DNAH1: variants seen among roughly 807,000 people sequenced by gnomAD.
DNAH1 encodes axonemal beta dynein heavy chain 1.
In DNAH1, 327 loss-of-function variants were observed where a neutral mutation model predicts 484.3. The observed-to-expected ratio is 0.68, with a 90% CI of 0.62 to 0.74. DNAH1 has a LOEUF of 0.74. Ranked by LOEUF, DNAH1 falls within the 30% of genes least tolerant of loss-of-function variation. The pLI is 0.00. For synonymous variants in DNAH1, 2,192 were observed against 2,191.9 expected (o/e 1.00, Z 0.00); for missense variants, 5,052 against 5,546.8 (o/e 0.91, Z 2.83).
Position 52,322,573 on chromosome 3 carries a change from G to T in DNAH1, c.131G>T (p.Gly44Val). 6.2e-7 allele frequency: 1 copy of T among 1,613,834 alleles called. No individual in the cohort carries two copies. The highest frequency in any genetic ancestry group is 8.5e-7 in the Non-Finnish European group (1 of 1,179,830). Reference protein sequence around the residue: ...LEYNPGKILPGSDYGLGNPPA... With the variant: ...LEYNPGKILPVSDYGLGNPPA... The stretch of plus-strand genomic sequence containing the variant: ...TATAACCCGGGGAAGATTCTTCCAG[G>T]ATCAGACTATGGGTTGGGAAATCCT... Residue 44 changes from glycine to valine, a missense_variant, in exon 2 of 78, where the codon GGA (glycine) becomes GTA (valine). Around this residue, in one of 4 missense-constraint regions of DNAH1, gnomAD observed 1,263 missense variants for 1,218.8 expected, o/e 1.04. Coordinates refer to ENST00000420323, the MANE Select transcript of DNAH1 (RefSeq NM_015512.5).
At chr3:52,337,542 T>C (rs1043911122) in intron 8 of DNAH1, among the ~76,000 whole-genome samples, 2 of 152,228 alleles carry the variant, frequency 1.3e-5, no homozygotes, top group African/African-American at 4.8e-5. Flanking sequence ...CATTCACATT[T>C]ATTGGTATGG....
Position 52,368,773 on chromosome 3 carries a change from C to CG in DNAH1, c.5803dup (p.Ala1935GlyfsTer23). 6.2e-7 allele frequency: 1 copy of CG among 1,613,884 alleles called. No homozygotes were observed. Among genetic ancestry groups the CG allele is most frequent in the Non-Finnish European group, 8.5e-7 (1 of 1,179,880 alleles). ...GGGATATTCTCCTCGTTCATCCGGG[C>CG]GGGGGCCATCACCTCCGACACCAAC... On this transcript the variant is annotated frameshift_variant, in exon 37 of 78. Coordinates refer to ENST00000420323, the MANE Select transcript of DNAH1 (RefSeq NM_015512.5). LOFTEE classifies it high-confidence loss of function. The surrounding 1 kb of genome is among the most constrained non-coding windows in gnomAD (Gnocchi z 4.4).
chr3:52,368,273 C>G lies in DNAH1; in HGVS notation c.5766-468C>G, dbSNP rs965347494. Among the ~76,000 whole-genome samples, 3 of 152,268 alleles carry G rather than the reference C, an allele frequency of 2.0e-5. No individual in the cohort carries two copies. The South Asian group carries it at 6.2e-4, about 32-fold the overall frequency. ...TATATGGGCACCTAGGAGAAGGTTCCGGAGCCTAAGGCTGGACCAAGCACA... is the reference window on the plus strand; with the variant it reads ...TATATGGGCACCTAGGAGAAGGTTCGGGAGCCTAAGGCTGGACCAAGCACA... On this transcript the variant is annotated intron_variant, in intron 36 of 77. Coordinates refer to ENST00000420323, the MANE Select transcript of DNAH1 (RefSeq NM_015512.5). This position sits in a 1 kb window ranked among gnomAD's most constrained non-coding sequence, Gnocchi z 4.4.
Position 52,383,980 on chromosome 3 carries a change from C to T in DNAH1, c.8271C>T (p.Phe2757=), listed in dbSNP as rs748420358. 6.2e-7 allele frequency: 1 copy of T among 1,611,082 alleles called. No homozygotes were observed. Among genetic ancestry groups the T allele is most frequent in the Non-Finnish European group, 8.5e-7 (1 of 1,178,588 alleles). The part of the protein sequence containing the change: ...AEALKSVATV[F]LNEIPELESS... ...CCCTGAAGTCTGTGGCCACCGTGTT[C>T]CTCAATGAGATCCCAGAACTGGAAT... Residue 2757 remains phenylalanine (F), a synonymous_variant, in exon 52 of 78, where the codon TTC becomes TTT. Transcript: ENST00000420323.
intron 44 of DNAH1, 133 bp downstream of exon 44, chr3:52,373,186 G>GGGA: frequency 7.9e-7 from 1 of 1,265,720 alleles, no homozygotes; most frequent in Non-Finnish European, 1.0e-6. Context: ...AAAATTAAAG[G>GGGA]GGAGGAGGGG....
Position 52,363,130 on chromosome 3 carries a change from C to A in DNAH1, c.5230C>A (p.Gln1744Lys). 1 of 1,613,944 alleles carries A rather than the reference C, an allele frequency of 6.2e-7. No homozygotes were observed. ...ITTTFKLSSE[Q>K]LSSQDHYDFG... ...AACCACCTTCAAGCTGTCTTCTGAG[C>A]AGCTCAGCTCCCAGGTGTGGTCCTG... Residue 1744 changes from glutamine (Q) to lysine (K), a missense_variant, in exon 32 of 78, where the codon CAG (glutamine) becomes AAG (lysine). Gln to Lys is a moderately conservative substitution (Grantham distance 53). Transcript: ENST00000420323.
upstream of DNAH1, among the ~76,000 whole-genome samples, chr3:52,312,503 C>G (rs540300486): frequency 2.2e-4 from 33 of 146,762 alleles, no homozygotes; most frequent in South Asian, 4.1e-3. Flanking sequence ...TGGAGTCTCT[C>G]TCTGTCACCC....
At position 52,399,675 on chromosome 3, in the gene DNAH1, T is replaced by C. The variant is rs370146778; in HGVS notation, c.12572T>C (p.Leu4191Pro). 7 of 1,613,882 alleles carry C rather than the reference T, an allele frequency of 4.3e-6. No individual in the cohort carries two copies. The African/African-American group carries it at 6.7e-5, about 15-fold the overall frequency. The change falls in exon 77 of 78, where the codon CTG (leucine) becomes CCG (proline). Residue 4191 changes from leucine (L) to proline (P), a missense_variant. By Grantham distance (98) the Leu-to-Pro change is moderately conservative (BLOSUM62 -3). Coordinates refer to ENST00000420323, the MANE Select transcript of DNAH1 (RefSeq NM_015512.5). ...FQLAESQPKE[L>P]YTEMAVIWLL... ...CTGGCTGAGTCTCAGCCCAAGGAGC[T>C]GTACACAGAGATGGCCGTTATCTGG...
rs188356957 is a variant in DNAH1 at position 52,372,309 on chromosome 3, T to A, written c.6749T>A (p.Ile2250Asn). 2 of 1,613,962 alleles carry A rather than the reference T, an allele frequency of 1.2e-6. No individual in the cohort carries two copies. The highest frequency in any genetic ancestry group is 3.3e-5 in the Admixed American group (2 of 60,030). The change falls in exon 43 of 78, where the codon ATC becomes AAC. Residue 2250 changes from isoleucine to asparagine, a missense_variant. Physicochemically the swap from Ile to Asn is moderately radical, Grantham distance 149 (BLOSUM62 -3). Transcript: ENST00000420323. ...KLLKNLALDY[I>N]SHFLTFSART... ...CTCAAGAACCTGGCACTGGATTACA[T>A]CAGCCACTTCCTCACCTTCTCAGCC...
chr3:52,311,836 C>G (rs916915743), upstream of DNAH1, among the ~76,000 whole-genome samples: 1 of 152,204 alleles, frequency 6.6e-6, no homozygotes, highest in Non-Finnish European at 1.5e-5. Flanking sequence ...GCCAGGGCAG[C>G]CTGACGGCCC....
chr3:52,333,206 G>T (rs1162302197), intron 8 of DNAH1, among the ~76,000 whole-genome samples: 3 of 152,056 alleles, frequency 2.0e-5, no homozygotes, highest in East Asian at 3.9e-4. Context: ...TTTAGTTGAG[G>T]AATTATATTT....
chr3:52,315,632 A>G (rs1240708770), upstream of DNAH1, among the ~76,000 whole-genome samples: 1 of 152,178 alleles, frequency 6.6e-6, no homozygotes, highest in Non-Finnish European at 1.5e-5. Context: ...TCCCATTTCA[A>G]CAAGGGTAAG....
intron 25 of DNAH1, 139 bp from the exon 26 acceptor site, chr3:52,359,107 C>A (rs1218820488): frequency 2.3e-6 from 3 of 1,280,342 alleles, no homozygotes; most frequent in African/African-American, 3.0e-5. Flanking sequence ...AAGGGCTTCC[C>A]TGCTCTGAAG....
upstream of DNAH1, among the ~76,000 whole-genome samples, chr3:52,313,884 C>T (rs772070156): frequency 6.6e-6 from 1 of 152,124 alleles, no homozygotes; most frequent in Non-Finnish European, 1.5e-5. Context: ...CCTCATTGTG[C>T]AGAAGAAAAA....
Position 52,375,394 on chromosome 3 carries a change from C to T in DNAH1, c.7140C>T (p.Thr2380=). ...DEVSKKRIFS[T]ILGNWLDGLL... ...TCAGCAAGAAACGCATCTTCTCCAC[C>T]ATCCTGGGCAACTGGTTGGGTGAGT... The change falls in exon 45 of 78, where the codon ACC becomes ACT. Residue 2380 remains threonine (T), a synonymous_variant. Coordinates refer to ENST00000420323, the MANE Select transcript of DNAH1 (RefSeq NM_015512.5). 1 of 1,613,456 alleles carries T rather than the reference C, an allele frequency of 6.2e-7. No individual in the cohort carries two copies. Among genetic ancestry groups the T allele is most frequent in the Non-Finnish European group, 8.5e-7 (1 of 1,179,744 alleles).
At chr3:52,345,461 G>T in intron 9 of DNAH1, 34 bp from the exon 10 acceptor site, 1 of 1,545,180 alleles carries the variant, frequency 6.5e-7, no homozygotes, top group Non-Finnish European at 8.8e-7. Context: ...GCCAGGCAGG[G>T]TCTGATACTG....
Position 52,392,559 on chromosome 3 carries a change from T to G in DNAH1, c.10148T>G (p.Met3383Arg). 6.2e-7 allele frequency: 1 copy of G among 1,613,940 alleles called. No homozygotes were observed. The highest frequency in any genetic ancestry group is 8.5e-7 in the Non-Finnish European group (1 of 1,179,878). ...KNQLIISNAKMRQELKDIEDQ... is the reference protein window; with the variant it reads ...KNQLIISNAKRRQELKDIEDQ... Reference sequence around the variant, plus strand: ...CAGCTGATTATCAGTAATGCCAAGATGCGCCAGGAGCTGAAGGACATTGAG... The same window carrying G: ...CAGCTGATTATCAGTAATGCCAAGAGGCGCCAGGAGCTGAAGGACATTGAG... Residue 3383 changes from methionine (M) to arginine (R), a missense_variant, in exon 64 of 78, where the codon ATG (methionine) becomes AGG (arginine). Transcript: ENST00000420323.
chr3:52,353,172 T>C lies in DNAH1; in HGVS notation c.3097T>C (p.Trp1033Arg), dbSNP rs779225744. The part of the protein sequence containing the change: ...YLDLWTTASD[W>R]LRWSESWMND... ...GGACCTTTGGACCACAGCGTCTGAC[T>C]GGCTGCGCTGGTCGGAGAGCTGGAT... Residue 1033 changes from tryptophan (W) to arginine (R), a missense_variant, in exon 19 of 78, where the codon TGG (tryptophan) becomes CGG (arginine). Physicochemically the swap from Trp to Arg is moderately radical, Grantham distance 101 (BLOSUM62 -3). Coordinates refer to ENST00000420323, the MANE Select transcript of DNAH1 (RefSeq NM_015512.5). The surrounding 1 kb of genome is among the most constrained non-coding windows in gnomAD (Gnocchi z 5.0). The C allele has an allele frequency of 6.2e-6, 10 of 1,614,006 alleles. No individual in the cohort carries two copies. The highest frequency in any genetic ancestry group is 5.1e-6 in the Non-Finnish European group (6 of 1,179,878).
In DNAH1 at chr3:52,382,341, G is replaced by C. The variant is rs1476916795; in HGVS notation, c.7827G>C (p.Gln2609His). The stretch of plus-strand genomic sequence containing the variant: ...CCAGGGCCGAGTACGAGTGCTTCCA[G>C]ATTGAACTATCCAAGAACTACGGCA... ...ASHMAEYECF[Q>H]IELSKNYGMS... The change falls in exon 50 of 78, where the codon CAG becomes CAC. Residue 2609 changes from glutamine to histidine, a missense_variant. Physicochemically the swap from Gln to His is conservative, Grantham distance 24. Around this residue, in one of 4 missense-constraint regions of DNAH1, gnomAD observed 2,929 missense variants for 3,409.4 expected, o/e 0.86. Transcript: ENST00000420323. The C allele has an allele frequency of 6.2e-7, 1 of 1,613,906 alleles. No homozygotes were observed. Among genetic ancestry groups the C allele is most frequent in the African/African-American group, 1.3e-5 (1 of 74,932 alleles).
Sources: gnomAD v4.1 joint callset for allele counts (sites outside exome capture counted in the v4.1 genomes callset) on GRCh38, gnomAD v4.1.1 for gene constraint, gnomAD v4.1.1 regional missense constraint, Gnocchi (gnomAD v3.1) non-coding constraint, MANE v1.5 for transcripts, NCBI Gene and HGNC (gene_info 2026-07-23, HGNC 2026-07-21) for gene names.